The following KCNQ5 variants were observed in gnomAD, a reference collection of about 807,000 sequenced individuals.
KCNQ5 encodes potassium voltage-gated channel subfamily Q member 5, also known as potassium voltage-gated channel subfamily KQT member 5.
KCNQ5 carries 30 observed loss-of-function variants against 98.2 expected under a neutral mutation model. The observed-to-expected ratio is 0.31, with a 90% confidence interval of 0.23 to 0.41. The LOEUF (loss-of-function observed/expected upper bound fraction) is 0.41. Among genes scored for constraint, KCNQ5 ranks in the 10% least tolerant of loss-of-function variants. KCNQ5 has a pLI of 1.00. For synonymous variants in KCNQ5, 458 were observed against 449.4 expected (o/e 1.02, Z -0.24); for missense variants, 835 against 1,182.5 (o/e 0.71, Z 4.31).
At chr6:72,770,632 A>G (rs1331809304) in intron 1 of KCNQ5, among the ~76,000 whole-genome samples, 1 of 152,150 alleles carries the variant, frequency 6.6e-6, no homozygotes, top group Non-Finnish European at 1.5e-5. Flanking sequence ...ATATATGTGT[A>G]CCGATTTTAT....
intron 1 of KCNQ5, among the ~76,000 whole-genome samples, chr6:72,930,579 CAAAAAAAAA>C (rs5877339): frequency 1.1e-5 from 1 of 94,210 alleles, no homozygotes; most frequent in Non-Finnish European, 2.2e-5. Flanking sequence ...GACATTTTAC[CAAAAAAAAA>C]AAAAAAAAAA....
At chr6:72,886,296 A>G (rs1341061854) in intron 1 of KCNQ5, among the ~76,000 whole-genome samples, 1 of 152,184 alleles carries the variant, frequency 6.6e-6, no homozygotes, top group Non-Finnish European at 1.5e-5. Context: ...AATATAACTC[A>G]TGGAAATTAT....
chr6:73,107,819 A>G (rs1359829506), intron 6 of KCNQ5, among the ~76,000 whole-genome samples: 3 of 152,232 alleles, frequency 2.0e-5, no homozygotes, highest in Non-Finnish European at 4.4e-5. Context: ...TAAGAACCCC[A>G]AGAAAAGTAA....
chr6:72,846,605 G>A (rs772192440), intron 1 of KCNQ5, among the ~76,000 whole-genome samples: 22 of 152,114 alleles, frequency 1.4e-4, no homozygotes, highest in Non-Finnish European at 2.8e-4. Context: ...CTTGAGCCCA[G>A]GAGGTCAAGG....
At chr6:72,827,400 G>C (rs544343110) in intron 1 of KCNQ5, among the ~76,000 whole-genome samples, 1 of 151,988 alleles carries the variant, frequency 6.6e-6, no homozygotes, top group Non-Finnish European at 1.5e-5. Context: ...GTTATTTTTT[G>C]TCTTTTTTAT....
At chr6:72,762,577 A>G (rs1416240337) in intron 1 of KCNQ5, among the ~76,000 whole-genome samples, 1 of 152,070 alleles carries the variant, frequency 6.6e-6, no homozygotes, top group Non-Finnish European at 1.5e-5. Flanking sequence ...TGAAAACATC[A>G]GGACGAAAAG....
At chr6:73,024,381 T>TTAGATAGATA (rs57909943) in intron 2 of KCNQ5, among the ~76,000 whole-genome samples, 27 of 120,548 alleles carry the variant, frequency 2.2e-4, no homozygotes, top group Admixed American at 3.5e-4. Context: ...GATAGATAGA[T>TTAGATAGATA]GATAGATAGA....
chr6:72,856,167 G>A (rs1008586422), intron 1 of KCNQ5, among the ~76,000 whole-genome samples: 2 of 152,118 alleles, frequency 1.3e-5, no homozygotes, highest in African/African-American at 4.8e-5. Context: ...TCTGGAAAGA[G>A]TCCTTCTAAG....
chr6:72,652,734 T>C (rs1410935282), intron 1 of KCNQ5, among the ~76,000 whole-genome samples: 1 of 151,992 alleles, frequency 6.6e-6, no homozygotes, highest in Non-Finnish European at 1.5e-5. Context: ...CTGTATCCTG[T>C]TTCAACCCTG....
At chr6:73,108,418 C>T (rs1775089756) in intron 6 of KCNQ5, among the ~76,000 whole-genome samples, 1 of 152,198 alleles carries the variant, frequency 6.6e-6, no homozygotes, top group Admixed American at 6.5e-5. Context: ...AGAACTAGTG[C>T]TGTTTGACTC....
At chr6:72,912,286 T>A (rs1779973469) in intron 1 of KCNQ5, among the ~76,000 whole-genome samples, 1 of 152,184 alleles carries the variant, frequency 6.6e-6, no homozygotes, top group South Asian at 2.1e-4. Context: ...TTAATGGGCA[T>A]ATTAATTCAT....
At chr6:72,787,738 C>G (rs1222424773) in intron 1 of KCNQ5, among the ~76,000 whole-genome samples, 1 of 152,200 alleles carries the variant, frequency 6.6e-6, no homozygotes, top group African/African-American at 2.4e-5. Flanking sequence ...CAGCACTCAT[C>G]CCTGTTCCTA....
chr6:72,665,452 C>T (rs2154473099), intron 1 of KCNQ5, among the ~76,000 whole-genome samples: 1 of 151,882 alleles, frequency 6.6e-6, no homozygotes, highest in South Asian at 2.1e-4. Flanking sequence ...CTATTGTCAT[C>T]ATTTAAATCC....
chr6:73,059,950 T>C (rs1352644025), intron 3 of KCNQ5, among the ~76,000 whole-genome samples: 2 of 152,218 alleles, frequency 1.3e-5, no homozygotes, highest in African/African-American at 4.8e-5. Flanking sequence ...CAAACTTTAC[T>C]GAGACCAATA....
intron 1 of KCNQ5, among the ~76,000 whole-genome samples, chr6:72,730,493 T>A (rs1381613027): frequency 6.6e-6 from 1 of 152,216 alleles, no homozygotes; most frequent in Non-Finnish European, 1.5e-5. Flanking sequence ...TCAGAATTTG[T>A]TCTGGTGTAA....
chr6:73,093,959 T>C (rs1774363608), intron 5 of KCNQ5, among the ~76,000 whole-genome samples: 1 of 152,200 alleles, frequency 6.6e-6, no homozygotes, highest in Admixed American at 6.5e-5. Context: ...TGTTTCATTG[T>C]TGACCTTCAG....
chr6:72,946,103 T>G (rs1766533966), intron 1 of KCNQ5, among the ~76,000 whole-genome samples: 1 of 152,176 alleles, frequency 6.6e-6, no homozygotes, highest in African/African-American at 2.4e-5. Context: ...GTCATGCAGA[T>G]ATCCATAAGA....
chr6:72,721,222 G>T (rs868716663), intron 1 of KCNQ5, among the ~76,000 whole-genome samples: 11 of 152,300 alleles, frequency 7.2e-5, no homozygotes, highest in Non-Finnish European at 1.3e-4. Context: ...CACATAGTAA[G>T]TATTCAGTCA....
chr6:73,125,099 A>G (rs2150445613), intron 9 of KCNQ5, among the ~76,000 whole-genome samples: 1 of 149,278 alleles, frequency 6.7e-6, no homozygotes, highest in South Asian at 2.2e-4. Flanking sequence ...TCTCTGTGAC[A>G]TCTCCAGATC....
Sources: allele counts gnomAD v4.1 joint callset (sites outside exome capture counted in the v4.1 genomes callset), GRCh38; gene constraint gnomAD v4.1.1; transcripts MANE v1.5; gene names NCBI Gene and HGNC (gene_info 2026-07-23, HGNC 2026-07-21).